HYAL4: variants seen among roughly 807,000 people sequenced by gnomAD.
The protein encoded by HYAL4 is hyaluronidase 4.
HYAL4 carries 37 observed loss-of-function variants against 35.2 expected under a neutral mutation model. The ratio of observed to expected loss-of-function variants is 1.05; its 90% CI spans 0.81 to 1.38. The LOEUF is 1.38. HYAL4 is among the 40% of genes most tolerant of loss of function. The probability of loss-of-function intolerance (pLI) is 0.00; values close to 1 mark genes in which losing one functional copy is unlikely to be tolerated. For missense variants in HYAL4, 572 were observed against 572.4 expected (o/e 1.00, Z 0.01); for synonymous variants, 198 against 203.2 (o/e 0.97, Z 0.22).
intron 1 of HYAL4, among the ~76,000 whole-genome samples, chr7:123,837,929 T>G (rs911539059): frequency 4.6e-5 from 7 of 152,176 alleles, no homozygotes; most frequent in African/African-American, 1.7e-4. Context: ...TGTTGGACAT[T>G]TGGCTTGGTT....
Position 123,864,202 on chromosome 7 carries a change from G to T in HYAL4, c.-51-4021G>T, listed in dbSNP as rs115146218. On this transcript the variant is annotated intron_variant, in intron 2 of 4. Coordinates refer to ENST00000223026, the MANE Select transcript of HYAL4 (RefSeq NM_012269.3). ...CTACTAGAGGAGGGGTCAGGAGAAA[G>T]CTACTTCCCTTTACCTATGGCTTTA... Among the ~76,000 whole-genome samples, 596 of 152,296 alleles carry T rather than the reference G, an allele frequency of 3.9e-3. 5 individuals carry two copies. The highest frequency in any genetic ancestry group is 0.014 in the African/African-American group (567 of 41,554).
Position 123,854,006 on chromosome 7 carries a change from A to T in HYAL4, c.-52+5848A>T, listed in dbSNP as rs1431389548. On this transcript the variant is annotated intron_variant, in intron 2 of 4. Coordinates refer to ENST00000223026, the MANE Select transcript of HYAL4 (RefSeq NM_012269.3). ...TCTGTTTCTTCTAGATTTCTACTTT[A>T]TTTGCATAGAGGTGTTTATAGTATT... Among the ~76,000 whole-genome samples, 9 of 151,984 alleles carry T rather than the reference A, an allele frequency of 5.9e-5. No homozygotes were observed. In the East Asian group the frequency reaches 1.4e-3, roughly 23 times the overall value.
intron 3 of HYAL4, among the ~76,000 whole-genome samples, chr7:123,869,800 G>T (rs1806822693): frequency 6.6e-6 from 1 of 151,038 alleles, no homozygotes; most frequent in African/African-American, 2.4e-5. Flanking sequence ...CGATTCTCCT[G>T]CCTCAGCCTC....
chr7:123,848,788 G>A (rs1440215037), intron 2 of HYAL4, among the ~76,000 whole-genome samples: 1 of 152,166 alleles, frequency 6.6e-6, no homozygotes, highest in Admixed American at 6.5e-5. Flanking sequence ...CAAGAGGACT[G>A]TTTGTTGGAA....
intron 1 of HYAL4, among the ~76,000 whole-genome samples, chr7:123,838,616 G>A (rs948161992): frequency 1.3e-5 from 2 of 151,982 alleles, no homozygotes; most frequent in African/African-American, 2.4e-5. Context: ...ATGTGCCTAC[G>A]TGATAGTCTT....
chr7:123,838,728 G>GT (rs1806007645), intron 1 of HYAL4, among the ~76,000 whole-genome samples: 1 of 152,104 alleles, frequency 6.6e-6, no homozygotes, highest in Admixed American at 6.5e-5. Context: ...CCCCGAATAT[G>GT]TTTTTTTAAA....
In HYAL4 at chr7:123,849,554, G is replaced by T. The variant is rs1806254539; in HGVS notation, c.-52+1396G>T. 2.6e-5 allele frequency among the ~76,000 whole-genome samples: 4 copies of T among 152,086 alleles called. No homozygotes were observed. The South Asian group carries it at 8.3e-4, about 32-fold the overall frequency. On this transcript the variant is annotated intron_variant, in intron 2 of 4. Transcript: ENST00000223026. ...TGGCCTCAAGTGATTGGACCATTTTGGCCTCCCAAAGTGCTAGGATTACAG... is the reference window on the plus strand; with the variant it reads ...TGGCCTCAAGTGATTGGACCATTTTTGCCTCCCAAAGTGCTAGGATTACAG...
At chr7:123,778,325 T>C in the HYAL4 span, among the ~76,000 whole-genome samples, 1 of 152,274 alleles carries the variant, frequency 6.6e-6, no homozygotes, top group East Asian at 1.9e-4. Flanking sequence ...AACGATCAAT[T>C]TCATGACATT....
At chr7:123,874,961 C>T in intron 4 of HYAL4, 111 bp downstream of exon 4, 1 of 670,388 alleles carries the variant, frequency 1.5e-6, no homozygotes, top group Non-Finnish European at 2.7e-6. Context: ...ATAAATATTC[C>T]AAATCAGTGC....
In HYAL4 at chr7:123,868,800, A is replaced by G. The variant is rs113873003; in HGVS notation, c.527A>G (p.Lys176Arg). 1 of 1,614,260 alleles carries G rather than the reference A, an allele frequency of 6.2e-7. No individual in the cohort carries two copies. Among genetic ancestry groups the G allele is most frequent in the Non-Finnish European group, 8.5e-7 (1 of 1,180,036 alleles). Residue 176 changes from lysine to arginine, a missense_variant, in exon 3 of 5, where the codon AAG (lysine) becomes AGG (arginine). Lys to Arg is a conservative substitution (Grantham distance 26). Transcript: ENST00000223026. ...AGAAAGCTTATTTCCGATATGGGAAAGAATGTATCAGCTACCGATATTGAA... is the reference window on the plus strand; with the variant it reads ...AGAAAGCTTATTTCCGATATGGGAAGGAATGTATCAGCTACCGATATTGAA... ...KSRKLISDMGKNVSATDIEYL... is the reference protein window; with the variant it reads ...KSRKLISDMGRNVSATDIEYL...
the HYAL4 span, among the ~76,000 whole-genome samples, chr7:123,820,583 C>CAA: frequency 7.4e-3 from 834 of 113,398 alleles, 5 homozygotes; most frequent in Non-Finnish European, 0.012. Context: ...AACTCCATCT[C>CAA]AAAAAAAAAA....
chr7:123,815,800 CA>C, the HYAL4 span, among the ~76,000 whole-genome samples: 1 of 152,150 alleles, frequency 6.6e-6, no homozygotes, highest in Non-Finnish European at 1.5e-5. Context: ...TACTTTATGC[CA>C]GTACCCAACA....
At chr7:123,825,194 G>T (rs1400688071), upstream of HYAL4, among the ~76,000 whole-genome samples, 2 of 151,590 alleles carry the variant, frequency 1.3e-5, no homozygotes, top group Non-Finnish European at 2.9e-5. Flanking sequence ...TATATGTAAA[G>T]TTCCTGTCTT....
At chr7:123,812,909 T>A in the HYAL4 span, among the ~76,000 whole-genome samples, 1 of 152,306 alleles carries the variant, frequency 6.6e-6, no homozygotes, top group East Asian at 1.9e-4. Context: ...GAGATTCATC[T>A]GGTGCTATAA....
chr7:123,819,115 G>A, the HYAL4 span, among the ~76,000 whole-genome samples: 19 of 151,932 alleles, frequency 1.3e-4, no homozygotes, highest in Non-Finnish European at 1.9e-4. Context: ...CCTCAGCCTC[G>A]GGTAATCACC....
chr7:123,838,169 C>T (rs1171970259), intron 1 of HYAL4, among the ~76,000 whole-genome samples: 1 of 151,884 alleles, frequency 6.6e-6, no homozygotes, highest in African/African-American at 2.4e-5. Flanking sequence ...TCCACATCCT[C>T]TCCAGCATGA....
the HYAL4 span, among the ~76,000 whole-genome samples, chr7:123,811,616 C>T: frequency 6.6e-6 from 1 of 152,070 alleles, no homozygotes; most frequent in East Asian, 1.9e-4. Context: ...AATATTTTCT[C>T]TTAGTCTGTG....
chr7:123,780,157 G>A, the HYAL4 span, among the ~76,000 whole-genome samples: 1 of 152,014 alleles, frequency 6.6e-6, no homozygotes, highest in Non-Finnish European at 1.5e-5. Flanking sequence ...ATCTTGAAAT[G>A]TGACAGGTTT....
Position 123,857,669 on chromosome 7 carries a change from G to GTTTCTTTCTTTCTTTC in HYAL4, c.-52+9560_-52+9575dup, listed in dbSNP as rs200221721. ...CCTTTCTTTGTTTCTTTCTTTGTTT[G>GTTTCTTTCTTTCTTTC]TTTCTTTCTTTCTTTCTTTCTTTCT... On this transcript the variant is annotated intron_variant, in intron 2 of 4. Coordinates refer to ENST00000223026, the MANE Select transcript of HYAL4 (RefSeq NM_012269.3). Among the ~76,000 whole-genome samples, 203 of 124,718 alleles carry GTTTCTTTCTTTCTTTC rather than the reference G, an allele frequency of 1.6e-3. 1 individual carries two copies. Among genetic ancestry groups the GTTTCTTTCTTTCTTTC allele is most frequent in the East Asian group, 5.5e-3 (24 of 4,330 alleles). The allele number at this position is 124,718 out of a possible 152,430, so 81.8% of individuals were successfully genotyped here. A position where few individuals can be genotyped will look rare whatever the true frequency, so the allele number is the denominator to read the frequency against.
Sources: gnomAD v4.1 joint callset for allele counts (sites outside exome capture counted in the v4.1 genomes callset) on GRCh38, gnomAD v4.1.1 for gene constraint, MANE v1.5 for transcripts, NCBI Gene and HGNC (gene_info 2026-07-23, HGNC 2026-07-21) for gene names.